NRDC: variants seen among roughly 807,000 people sequenced by gnomAD.
The protein encoded by NRDC is nardilysin.
NRDC carries 54 observed loss-of-function variants against 147.1 expected under a neutral mutation model. The ratio of observed to expected loss-of-function variants is 0.37; its 90% CI spans 0.29 to 0.46. The LOEUF (loss-of-function observed/expected upper bound fraction) is 0.46, where lower values mean the gene tolerates loss of function less well. NRDC is among the 20% of genes least tolerant of loss of function. NRDC has a pLI of 1.00. For missense variants in NRDC, 1,082 were observed against 1,370.6 expected, an observed-to-expected ratio of 0.79 and a Z score of 3.33; for synonymous variants, 440 against 482.1, an observed-to-expected ratio of 0.91 and a Z score of 1.14.
Position 51,809,315 on chromosome 1 carries a change from C to G in NRDC, c.1990G>C (p.Ala664Pro). The stretch of plus-strand genomic sequence containing the variant: ...GTATAAAAATTGCTATTTTACTGAC[C>G]TATGTACTTGTTTTCAGCTGGAAGA... ...LHLPAENKYI[A>P]TDFTLKAFDC... Residue 664 changes from alanine to proline, a missense_variant and splice_region_variant, in exon 17 of 31, where the codon GCC becomes CCC. This residue lies in a region of NRDC where 635 missense variants were observed against 923.8 expected (regional missense o/e 0.69). Transcript: ENST00000352171. The G allele has an allele frequency of 6.2e-7, 1 of 1,608,690 alleles. No homozygotes were observed. The highest frequency in any genetic ancestry group is 8.5e-7 in the Non-Finnish European group (1 of 1,175,228).
In NRDC at chr1:51,827,852, A is replaced by T; in HGVS notation, c.884T>A (p.Ile295Asn). Residue 295 changes from isoleucine to asparagine, a missense_variant, in exon 5 of 31, where the codon ATC (isoleucine) becomes AAC (asparagine). Around this residue, in one of 3 missense-constraint regions of NRDC, gnomAD observed 635 missense variants for 923.8 expected, o/e 0.69. Coordinates refer to ENST00000352171, the MANE Select transcript of NRDC (RefSeq NM_001101662.2). ...EALDRWAQFF[I>N]HPLMIRDAID... The stretch of plus-strand genomic sequence containing the variant: ...TGCATCTCTGATCATTAGTGGGTGG[A>T]TGAAGAACTGCGCCCATCTGAACAA... The T allele has an allele frequency of 6.2e-7, 1 of 1,613,950 alleles. No homozygotes were observed. The highest frequency in any genetic ancestry group is 8.5e-7 in the Non-Finnish European group (1 of 1,179,900).
chr1:51,818,736 G>T (rs1032293345), intron 9 of NRDC, among the ~76,000 whole-genome samples: 13 of 152,080 alleles, frequency 8.5e-5, no homozygotes, highest in Middle Eastern at 3.2e-3. Context: ...AAAGAGACTG[G>T]TAACGGGGTG....
At chr1:51,825,037 G>C (rs1680382357) in intron 6 of NRDC, among the ~76,000 whole-genome samples, 1 of 152,156 alleles carries the variant, frequency 6.6e-6, no homozygotes, top group African/African-American at 2.4e-5. Flanking sequence ...AATTCATGTA[G>C]TGTTAGCACA....
At chr1:51,791,739 G>C in intron 26 of NRDC, 78 bp from the exon 27 acceptor site, 1 of 1,208,942 alleles carries the variant, frequency 8.3e-7, no homozygotes, top group South Asian at 1.2e-5. Context: ...GATAGGAGTG[G>C]GAAAAGTTTC....
chr1:51,854,981 G>A (rs35073303), intron 1 of NRDC, among the ~76,000 whole-genome samples: 6,864 of 152,202 alleles, frequency 0.045, 189 homozygotes, highest in Middle Eastern at 0.065. Context: ...CCTGGAGAAG[G>A]TTATACCCAT....
intron 14 of NRDC, among the ~76,000 whole-genome samples, chr1:51,813,015 C>T (rs1194954160): frequency 2.0e-5 from 3 of 148,904 alleles, no homozygotes; most frequent in African/African-American, 7.4e-5. Context: ...CATGGTGGCT[C>T]ATGCCTGTGA....
chr1:51,842,242 TTTG>T (rs1039554202), intron 1 of NRDC, among the ~76,000 whole-genome samples: 1 of 151,868 alleles, frequency 6.6e-6, no homozygotes, highest in African/African-American at 2.4e-5. Flanking sequence ...TTTTTTTTTT[TTTG>T]GTTTTTGAAA....
In NRDC at chr1:51,789,266, G is replaced by C. The variant is rs200268139; in HGVS notation, c.3426C>G (p.Asn1142Lys). 6.2e-7 allele frequency: 1 copy of C among 1,614,122 alleles called. No individual in the cohort carries two copies. Among genetic ancestry groups the C allele is most frequent in the East Asian group, 2.2e-5 (1 of 44,876 alleles). The change falls in exon 31 of 31, where the codon AAC becomes AAG. Residue 1142 changes from asparagine (N) to lysine (K), a missense_variant. Coordinates refer to ENST00000352171, the MANE Select transcript of NRDC (RefSeq NM_001101662.2). ...TDIRAFTTTLNLLPYHKIVK is the reference protein window; with the variant it reads ...TDIRAFTTTLKLLPYHKIVK Reference sequence around the variant, plus strand: ...TGACTATTTTATGGTAGGGGAGAAGGTTGAGTGTTGTTGTGAAAGCCCTGA... The same window carrying C: ...TGACTATTTTATGGTAGGGGAGAAGCTTGAGTGTTGTTGTGAAAGCCCTGA...
chr1:51,828,039 T>C (rs1208382900), intron 4 of NRDC, among the ~76,000 whole-genome samples, 170 bp from the exon 5 acceptor site: 1 of 152,250 alleles, frequency 6.6e-6, no homozygotes, highest in African/African-American at 2.4e-5. Flanking sequence ...ACATGTTACT[T>C]TAACTTTTTC....
intron 5 of NRDC, 28 bp from the exon 6 acceptor site, chr1:51,825,410 A>T: frequency 4.0e-6 from 6 of 1,514,964 alleles, no homozygotes; most frequent in Non-Finnish European, 5.4e-6. Context: ...ACACATAATA[A>T]AACAAAATTC....
rs750871403 is a variant in NRDC, at chr1:51,818,041, A to G, written c.1361+25T>C. 5.1e-6 allele frequency: 8 copies of G among 1,567,990 alleles called. No homozygotes were observed. In the South Asian group the frequency reaches 9.1e-5, roughly 18 times the overall value. ...AATTACTCTCACTTGGTTCTAATGA[A>G]GTAAATTTTCCCTTAAACTCTTACC... On this transcript the variant is annotated intron_variant, in intron 10 of 30. Transcript: ENST00000352171.
At chr1:51,870,209 C>T (rs141720486) in intron 1 of NRDC, among the ~76,000 whole-genome samples, 1 of 152,268 alleles carries the variant, frequency 6.6e-6, no homozygotes, top group Non-Finnish European at 1.5e-5. Flanking sequence ...ACATGATCTC[C>T]GTACTCACGG....
chr1:51,836,517 G>T (rs990848043), intron 2 of NRDC: 2 of 1,270,952 alleles, frequency 1.6e-6, no homozygotes, highest in African/African-American at 3.0e-5. Context: ...TTTCATGTCA[G>T]CATTTCATAA....
At chr1:51,825,263 A>G in intron 6 of NRDC, 24 bp downstream of exon 6, 4 of 1,290,780 alleles carry the variant, frequency 3.1e-6, no homozygotes, top group East Asian at 2.4e-5. Flanking sequence ...AATATGAAAT[A>G]AGATGATGTA....
chr1:51,876,444 T>G (rs1360323126), intron 1 of NRDC, among the ~76,000 whole-genome samples: 1 of 152,200 alleles, frequency 6.6e-6, no homozygotes, highest in Admixed American at 6.5e-5. Flanking sequence ...CTGAAGATAA[T>G]TTTATACAAT....
chr1:51,867,857 G>A (rs777529602), intron 1 of NRDC, among the ~76,000 whole-genome samples: 1 of 152,202 alleles, frequency 6.6e-6, no homozygotes, highest in African/African-American at 2.4e-5. Context: ...ACAGTTACCA[G>A]AGAAACTGAA....
chr1:51,814,485 C>A, intron 13 of NRDC, 66 bp downstream of exon 13: 3 of 1,483,700 alleles, frequency 2.0e-6, no homozygotes, highest in South Asian at 1.2e-5. Context: ...GCATGTCTAC[C>A]GGCAGCCTGA....
rs568345452 is a variant in NRDC, at chr1:51,840,300, GATC to G, written c.553_555del (p.Asp185del). 486 of 1,587,108 alleles carry G rather than the reference GATC, an allele frequency of 3.1e-4. 1 individual carries two copies. Among genetic ancestry groups the G allele is most frequent in the South Asian group, 1.5e-4 (14 of 90,442 alleles). ...TCCAATTCATTATCCTCAGTATCAA[GATC>G]ATCATCATGTTCATCATCAAACTCA... On this transcript the variant is annotated inframe_deletion, in exon 2 of 31. Transcript: ENST00000352171.
chr1:51,817,933 G>C, intron 10 of NRDC, 133 bp downstream of exon 10: 1 of 644,444 alleles, frequency 1.6e-6, no homozygotes, highest in Non-Finnish European at 2.7e-6. Context: ...GAAAGCTCCC[G>C]GAGTAATCAA....
Sources: gnomAD v4.1 joint callset for allele counts (sites outside exome capture counted in the v4.1 genomes callset) on GRCh38, gnomAD v4.1.1 for gene constraint, gnomAD v4.1.1 regional missense constraint, MANE v1.5 for transcripts, NCBI Gene and HGNC (gene_info 2026-07-23, HGNC 2026-07-21) for gene names.